The following ELF1 variants were observed in gnomAD, a reference collection of about 807,000 sequenced individuals.
ELF1 encodes the protein ETS-related transcription factor Elf-1.
In ELF1, 24 loss-of-function variants were observed where a neutral mutation model predicts 59.9. The observed-to-expected ratio is 0.40, with a 90% confidence interval of 0.29 to 0.56. The LOEUF is 0.56. Among genes scored for constraint, ELF1 ranks in the 20% least tolerant of loss-of-function variants. The pLI is 0.44. For missense variants in ELF1, 627 were observed against 742.2 expected (o/e 0.84, Z 1.80); for synonymous variants, 248 against 266.2 (o/e 0.93, Z 0.67).
At chr13:41,058,170 CATAAA>C (rs1174782612) in intron 1 of ELF1, among the ~76,000 whole-genome samples, 21 of 152,292 alleles carry the variant, frequency 1.4e-4, no homozygotes, top group African/African-American at 4.8e-4. Flanking sequence ...ATTTTTGTGA[CATAAA>C]ATGTCACTCC....
intron 1 of ELF1, among the ~76,000 whole-genome samples, chr13:40,993,871 T>C (rs1874002199): frequency 6.6e-6 from 1 of 151,686 alleles, no homozygotes; most frequent in East Asian, 1.9e-4. Flanking sequence ...AGTATAGTTT[T>C]ATTTTTATGT....
chr13:40,946,046 C>G (rs1239461765), intron 5 of ELF1, among the ~76,000 whole-genome samples: 1 of 152,158 alleles, frequency 6.6e-6, no homozygotes, highest in East Asian at 1.9e-4. Flanking sequence ...TTGCGTTTCA[C>G]CATGTTGCTC....
At chr13:40,955,929 G>A (rs1420981170) in intron 3 of ELF1, among the ~76,000 whole-genome samples, 16 of 103,094 alleles carry the variant, frequency 1.6e-4, no homozygotes, top group African/African-American at 4.5e-4. Flanking sequence ...CCGGCCAGCC[G>A]CCCCGTCCGG....
intron 5 of ELF1, among the ~76,000 whole-genome samples, chr13:40,949,069 T>G (rs9525434): frequency 0.53 from 79,858 of 151,988 alleles, 24,636 homozygotes; most frequent in Non-Finnish European, 0.68. Context: ...CACTGTAACC[T>G]CCACTTCCTG....
chr13:40,933,324 A>T lies in ELF1; in HGVS notation c.*101T>A. Reference sequence around the variant, plus strand: ...TTAACTCTATTTTTAACAATTACAAAATTAGAAACCTCCTTAGAATTTATC... The same window carrying T: ...TTAACTCTATTTTTAACAATTACAATATTAGAAACCTCCTTAGAATTTATC... On this transcript the variant is annotated 3_prime_UTR_variant, in exon 9 of 9. Coordinates refer to ENST00000239882, the MANE Select transcript of ELF1 (RefSeq NM_172373.4). The T allele has an allele frequency of 7.0e-7, 1 of 1,434,194 alleles. No homozygotes were observed. Among genetic ancestry groups the T allele is most frequent in the Non-Finnish European group, 9.3e-7 (1 of 1,074,952 alleles). The allele number at this position is 1,434,194 out of a possible 1,614,324, so 88.8% of individuals were successfully genotyped here.
intron 5 of ELF1, among the ~76,000 whole-genome samples, chr13:40,948,330 T>C (rs1438685504): frequency 6.6e-6 from 1 of 152,166 alleles, no homozygotes; most frequent in Non-Finnish European, 1.5e-5. Flanking sequence ...AATGGGTGGA[T>C]TTCTTTCCCC....
At position 40,942,025 on chromosome 13, in the gene ELF1, G is replaced by A. The variant is rs187532084; in HGVS notation, c.807-655C>T. Among the ~76,000 whole-genome samples the A allele has an allele frequency of 5.8e-3, 877 of 152,088 alleles. 8 individuals carry two copies. Among genetic ancestry groups the A allele is most frequent in the South Asian group, 0.014 (69 of 4,818 alleles). ...CCTCAAGAAATTGTTTCTCCTCCAC[G>A]GCTTTCTAGAAATGTTCCTACTAGG... On this transcript the variant is annotated intron_variant, in intron 7 of 8. Transcript: ENST00000239882.
intron 3 of ELF1, among the ~76,000 whole-genome samples, chr13:40,957,288 TCTTC>T (rs1453949502): frequency 2.3e-5 from 3 of 131,696 alleles, no homozygotes; most frequent in Non-Finnish European, 4.9e-5. Flanking sequence ...AGGGGTTTGA[TCTTC>T]CAGGAATTTG....
chr13:40,943,748 T>C, intron 6 of ELF1, 94 bp downstream of exon 6: 4 of 1,029,120 alleles, frequency 3.9e-6, no homozygotes, highest in Non-Finnish European at 5.5e-6. Context: ...TCCACTGCAG[T>C]ATATCAAGAA....
rs766778099 is a variant in ELF1, at chr13:40,933,463, T to C, written c.1822A>G (p.Met608Val). 8 of 1,613,972 alleles carry C rather than the reference T, an allele frequency of 5.0e-6. No homozygotes were observed. In the Admixed American group the frequency reaches 6.7e-5, roughly 13 times the overall value. ...SSNGFTSQVA[M>V]KQNELLEPNS... ...GGTTCCAGCAGTTCGTTTTGTTTCA[T>C]AGCTACCTGAGAAGTAAATCCATTG... is the stretch of plus-strand genomic sequence containing the variant. The change falls in exon 9 of 9, where the codon ATG (methionine) becomes GTG (valine). Residue 608 changes from methionine to valine, a missense_variant. Met to Val is a conservative substitution (Grantham distance 21, BLOSUM62 1). Coordinates refer to ENST00000239882, the MANE Select transcript of ELF1 (RefSeq NM_172373.4).
chr13:41,035,063 C>T (rs1353463798), intron 1 of ELF1, among the ~76,000 whole-genome samples: 1 of 152,214 alleles, frequency 6.6e-6, no homozygotes, highest in Non-Finnish European at 1.5e-5. Flanking sequence ...GTCACTTCCT[C>T]CTTTGTGCTC....
Position 41,010,493 on chromosome 13 carries a change from A to ATGTG in ELF1, c.-229+8731_-229+8734dup, listed in dbSNP as rs145032015. Among the ~76,000 whole-genome samples, 124 of 125,756 alleles carry ATGTG rather than the reference A, an allele frequency of 9.9e-4. 2 individuals are homozygous for ATGTG. Among genetic ancestry groups the ATGTG allele is most frequent in the African/African-American group, 3.4e-3 (117 of 34,556 alleles). 82.5% of individuals were successfully genotyped at this position (125,756 alleles called of 152,430 possible). A position where few individuals can be genotyped will look rare whatever the true frequency, so the allele number is the denominator to read the frequency against. ...AAAAATACATATAGGTATGAGGTGT[A>ATGTG]TGTGTGTGTGTGTGTGTGCACACTT... On this transcript the variant is annotated intron_variant, in intron 1 of 8. Transcript: ENST00000239882.
intron 8 of ELF1, among the ~76,000 whole-genome samples, chr13:40,940,386 G>GAAAAAAAAAAAAAA (rs375400990): frequency 1.8e-5 from 2 of 109,894 alleles, no homozygotes; most frequent in African/African-American, 4.9e-5. Context: ...TGATTTAACT[G>GAAAAAAAAAAAAAA]AAAAAAAAAA....
chr13:41,057,213 G>T (rs1171004996), intron 1 of ELF1, among the ~76,000 whole-genome samples: 1 of 149,722 alleles, frequency 6.7e-6, no homozygotes, highest in African/African-American at 2.5e-5. Flanking sequence ...CTGGAGTGTA[G>T]CGGCAACATC....
chr13:41,017,818 T>G (rs1875500022), intron 1 of ELF1, among the ~76,000 whole-genome samples: 1 of 152,090 alleles, frequency 6.6e-6, no homozygotes, highest in African/African-American at 2.4e-5. Context: ...AGAAAAGTCT[T>G]CATTAGATTT....
chr13:40,989,417 C>T (rs924623391), intron 1 of ELF1, among the ~76,000 whole-genome samples: 5 of 152,064 alleles, frequency 3.3e-5, no homozygotes, highest in African/African-American at 1.2e-4. Flanking sequence ...AAATATTCAA[C>T]GAATTTAAGA....
chr13:40,979,066 T>C (rs1873098054), intron 2 of ELF1, among the ~76,000 whole-genome samples: 1 of 151,914 alleles, frequency 6.6e-6, no homozygotes. Flanking sequence ...TAGTAGTCCC[T>C]CTTTATGTCC....
At chr13:41,036,580 T>A (rs1876390074) in intron 1 of ELF1, among the ~76,000 whole-genome samples, 1 of 152,162 alleles carries the variant, frequency 6.6e-6, no homozygotes, top group African/African-American at 2.4e-5. Context: ...GAAATACCAT[T>A]TGACCCAGCC....
At chr13:40,963,896 A>G (rs1872008913) in intron 2 of ELF1, among the ~76,000 whole-genome samples, 1 of 151,366 alleles carries the variant, frequency 6.6e-6, no homozygotes, top group South Asian at 2.1e-4. Context: ...ACGGAGCAAG[A>G]CTCCGTCTCA....
Sources: allele counts gnomAD v4.1 joint callset (sites outside exome capture counted in the v4.1 genomes callset), GRCh38; gene constraint gnomAD v4.1.1; transcripts MANE v1.5; gene names NCBI Gene and HGNC (gene_info 2026-07-23, HGNC 2026-07-21).